The following NBAS variants were observed in gnomAD, a reference collection of about 807,000 sequenced individuals.
NBAS encodes NBAS subunit of NRZ tethering complex.
Under a neutral mutation model 302.5 loss-of-function variants are expected in NBAS, and 219 were observed. The observed-to-expected ratio is 0.72, with a 90% CI of 0.65 to 0.81. The LOEUF (loss-of-function observed/expected upper bound fraction) is 0.81. Among genes scored for constraint, NBAS ranks in the 30% least tolerant of loss-of-function variants. The probability of loss-of-function intolerance (pLI) is 0.00; values close to 1 mark genes in which losing one functional copy is unlikely to be tolerated. For synonymous variants in NBAS, 1,118 were observed against 1,021.6 expected, an observed-to-expected ratio of 1.09 and a Z score of -1.80; for missense variants, 2,932 against 2,841.6, an observed-to-expected ratio of 1.03 and a Z score of -0.72.
chr2:14,965,164 G>A, the NBAS span, among the ~76,000 whole-genome samples: 1 of 151,896 alleles, frequency 6.6e-6, no homozygotes, highest in African/African-American at 2.4e-5. Flanking sequence ...GAAAGCAGAG[G>A]AAGATAAATA....
chr2:15,097,326 G>A, the NBAS span, among the ~76,000 whole-genome samples: 61 of 152,262 alleles, frequency 4.0e-4, 1 homozygote, highest in East Asian at 0.011. Flanking sequence ...AAGTCAGGGC[G>A]CAGAATCCCA....
the NBAS span, among the ~76,000 whole-genome samples, chr2:15,068,179 C>A: frequency 2.0e-5 from 3 of 152,190 alleles, no homozygotes; most frequent in African/African-American, 7.2e-5. Context: ...GGCAGGTCCC[C>A]TACATTCCCT....
intron 11 of NBAS, among the ~76,000 whole-genome samples, chr2:15,497,049 A>T (rs1448409359): frequency 6.6e-6 from 1 of 152,162 alleles, no homozygotes; most frequent in Non-Finnish European, 1.5e-5. Flanking sequence ...ATAGAAAAAA[A>T]ATGGAATCTA....
intron 44 of NBAS, among the ~76,000 whole-genome samples, chr2:15,255,738 G>A (rs1668564005): frequency 6.6e-6 from 1 of 152,116 alleles, no homozygotes; most frequent in South Asian, 2.1e-4. Flanking sequence ...GGTTAGAGAT[G>A]AGGAGTCAGG....
the NBAS span, among the ~76,000 whole-genome samples, chr2:14,809,516 G>T: frequency 6.6e-6 from 1 of 152,208 alleles, no homozygotes; most frequent in South Asian, 2.1e-4. Flanking sequence ...CAGAAGTCAA[G>T]AATTGAGGTT....
chr2:15,478,262 A>C lies in NBAS; in HGVS notation c.1111T>G (p.Trp371Gly), dbSNP rs1429936419. ...QPGYDDLNPD[W>G]RLSTEKRKKI... ...TTTCTCTTCTCAGTAGAGAGCCTCC[A>C]ATCAGGATTAAGGTCATCATAGCCT... is the stretch of plus-strand genomic sequence containing the variant. Residue 371 changes from tryptophan to glycine, a missense_variant, in exon 13 of 52, where the codon TGG becomes GGG. By Grantham distance (184) the Trp-to-Gly change is radical. Transcript: ENST00000281513. 3.7e-6 allele frequency: 6 copies of C among 1,611,602 alleles called. No homozygotes were observed. Among genetic ancestry groups the C allele is most frequent in the African/African-American group, 1.3e-5 (1 of 74,878 alleles).
At chr2:14,982,289 C>A in the NBAS span, among the ~76,000 whole-genome samples, 2 of 152,308 alleles carry the variant, frequency 1.3e-5, no homozygotes, top group South Asian at 4.1e-4. Context: ...GACGTGCCAG[C>A]ACCCCAAGTC....
chr2:15,006,972 G>T, the NBAS span, among the ~76,000 whole-genome samples: 1 of 152,114 alleles, frequency 6.6e-6, no homozygotes, highest in Non-Finnish European at 1.5e-5. Flanking sequence ...CTTCACTTAG[G>T]ATCTACTTAA....
intron 26 of NBAS, 26 bp from the exon 27 acceptor site, chr2:15,396,501 A>G (rs760388982): frequency 6.6e-7 from 1 of 1,522,000 alleles, no homozygotes; most frequent in Admixed American, 2.1e-5. Context: ...AAGAAAAAAA[A>G]AAGCCCTTAA....
At chr2:15,257,849 T>C (rs1668672777) in intron 44 of NBAS, among the ~76,000 whole-genome samples, 1 of 152,228 alleles carries the variant, frequency 6.6e-6, no homozygotes, top group Non-Finnish European at 1.5e-5. Flanking sequence ...CACTTATTTA[T>C]GTGAACAATG....
At chr2:14,895,652 A>C in the NBAS span, among the ~76,000 whole-genome samples, 1 of 150,846 alleles carries the variant, frequency 6.6e-6, no homozygotes, top group African/African-American at 2.4e-5. Flanking sequence ...AGGCAGGAGA[A>C]TGGCGTGAAC....
At chr2:15,212,413 T>A (rs1014426965) in intron 48 of NBAS, among the ~76,000 whole-genome samples, 6 of 152,198 alleles carry the variant, frequency 3.9e-5, no homozygotes, top group African/African-American at 1.4e-4. Flanking sequence ...CACTTTCTTC[T>A]TTTGGTGGCT....
intron 12 of NBAS, among the ~76,000 whole-genome samples, chr2:15,479,722 G>A (rs911821054): frequency 6.6e-6 from 1 of 152,098 alleles, no homozygotes; most frequent in Non-Finnish European, 1.5e-5. Flanking sequence ...CTAGAACCGG[G>A]GTCTGCAGTC....
the NBAS span, among the ~76,000 whole-genome samples, chr2:14,908,721 C>T: frequency 6.6e-6 from 1 of 152,176 alleles, no homozygotes; most frequent in African/African-American, 2.4e-5. Flanking sequence ...GGGCAATATG[C>T]TAACAGGGAG....
chr2:15,149,003 G>A, the NBAS span, among the ~76,000 whole-genome samples: 3 of 152,246 alleles, frequency 2.0e-5, no homozygotes, highest in African/African-American at 4.8e-5. Context: ...ATTTGCCTTC[G>A]AAGCCATTTA....
At chr2:15,213,257 T>C (rs1666500796) in intron 48 of NBAS, among the ~76,000 whole-genome samples, 1 of 152,248 alleles carries the variant, frequency 6.6e-6, no homozygotes, top group South Asian at 2.1e-4. Flanking sequence ...GCATGTCAAA[T>C]GACATATGCT....
At chr2:14,847,856 T>C in the NBAS span, among the ~76,000 whole-genome samples, 1 of 152,174 alleles carries the variant, frequency 6.6e-6, no homozygotes, top group Non-Finnish European at 1.5e-5. Context: ...AATGGATCAC[T>C]CTCAAGGACA....
the NBAS span, among the ~76,000 whole-genome samples, chr2:14,982,964 G>C: frequency 1.3e-5 from 2 of 152,112 alleles, no homozygotes; most frequent in South Asian, 4.1e-4. Context: ...TCTGTGGAAA[G>C]AGGAACCAGG....
chr2:15,509,156 T>C (rs1371148517), intron 10 of NBAS, among the ~76,000 whole-genome samples: 4 of 152,234 alleles, frequency 2.6e-5, no homozygotes, highest in Admixed American at 1.3e-4. Flanking sequence ...TTACTTTTTA[T>C]AGATTATGGG....
Sources: allele counts gnomAD v4.1 joint callset (sites outside exome capture counted in the v4.1 genomes callset), GRCh38; gene constraint gnomAD v4.1.1; transcripts MANE v1.5; gene names NCBI Gene and HGNC (gene_info 2026-07-23, HGNC 2026-07-21).